Variants in NTAN1 observed in about 807,000 individuals in gnomAD.
NTAN1 encodes protein N-terminal asparagine amidohydrolase.
In NTAN1, 32 loss-of-function variants were observed where a neutral mutation model predicts 41.9. That is an observed-to-expected ratio of 0.76 (90% CI 0.58 to 1.03). The LOEUF is 1.03. Ranked by LOEUF, NTAN1 falls within the 50% of genes least tolerant of loss-of-function variation. NTAN1 has a pLI of 0.00. For synonymous variants in NTAN1, 140 were observed against 139.5 expected (o/e 1.00, Z -0.03); for missense variants, 377 against 377.5 (o/e 1.00, Z 0.01).
intron 1 of NTAN1, among the ~76,000 whole-genome samples, chr16:15,055,398 G>A (rs990032802): frequency 1.3e-5 from 2 of 152,204 alleles, no homozygotes; most frequent in African/African-American, 4.8e-5. Flanking sequence ...GGAGAGAGAG[G>A]AGGAAGGACT....
At chr16:15,044,523 A>C (rs979987409) in intron 4 of NTAN1, 116 bp from the exon 5 acceptor site, 14 of 736,158 alleles carry the variant, frequency 1.9e-5, no homozygotes, top group Middle Eastern at 3.3e-4. Flanking sequence ...GCAGAGCTGC[A>C]GGTCATCTTC....
chr16:15,038,242 G>C (rs932275008), intron 9 of NTAN1, 32 bp from the exon 10 acceptor site: 9 of 1,558,054 alleles, frequency 5.8e-6, no homozygotes, highest in Admixed American at 1.7e-5. Context: ...CATTAGAGAA[G>C]CCAACCTTAC....
chr16:15,044,588 TCTGGGGAC>T lies in NTAN1; in HGVS notation c.360-189_360-182del. On this transcript the variant is annotated intron_variant, in intron 4 of 9. Transcript: ENST00000287706. ...ACACTGCCAAGGCCAGTGGCGAGCTTCTGGGGACCCTGCCCAGGGGCCCTGATGACTGA... is the reference window on the plus strand; with the variant it reads ...ACACTGCCAAGGCCAGTGGCGAGCTTCCTGCCCAGGGGCCCTGATGACTGA... The T allele has an allele frequency of 6.6e-6, 4 of 602,780 alleles. No homozygotes were observed. In the East Asian group the frequency reaches 1.1e-4, roughly 17 times the overall value. 37.3% of individuals were successfully genotyped at this position (602,780 alleles called of 1,614,324 possible). A position where few individuals can be genotyped will look rare whatever the true frequency, so the allele number is the denominator to read the frequency against.
At position 15,037,860 on chromosome 16, in the gene NTAN1, G is replaced by A; in HGVS notation, c.*171C>T. On this transcript the variant is annotated 3_prime_UTR_variant, in exon 10 of 10. Transcript: ENST00000287706. ...AAAATAAGTCTCAACAAATGCCTTT[G>A]CCAAAATAAGGTTTTATTTTGAAAG... 1.9e-6 allele frequency: 1 copy of A among 523,536 alleles called. No individual in the cohort carries two copies. Among genetic ancestry groups the A allele is most frequent in the East Asian group, 3.0e-5 (1 of 32,872 alleles). 32.4% of individuals were successfully genotyped at this position (523,536 alleles called of 1,614,324 possible). A position where few individuals can be genotyped will look rare whatever the true frequency, so the allele number is the denominator to read the frequency against.
chr16:15,045,968 T>TTTGC (rs139925422), intron 4 of NTAN1: 15,773 of 152,296 alleles, frequency 0.1, 935 homozygotes, highest in East Asian at 0.25. Context: ...CCACCATGGC[T>TTTGC]TTGCCACTGG....
At chr16:15,054,324 ACCTTC>A (rs2044414190) in intron 1 of NTAN1, among the ~76,000 whole-genome samples, 1 of 152,028 alleles carries the variant, frequency 6.6e-6, no homozygotes, top group African/African-American at 2.4e-5. Context: ...ATAGGCCAAA[ACCTTC>A]CTTCGAGAGA....
At chr16:15,051,012 C>T (rs2044271419) in intron 1 of NTAN1, among the ~76,000 whole-genome samples, 2 of 152,228 alleles carry the variant, frequency 1.3e-5, no homozygotes, top group Admixed American at 6.5e-5. Context: ...AGGTGACAGC[C>T]TCTCATTTTC....
chr16:15,054,361 A>G (rs184416222), intron 1 of NTAN1, among the ~76,000 whole-genome samples: 23 of 152,314 alleles, frequency 1.5e-4, no homozygotes, highest in Non-Finnish European at 2.8e-4. Flanking sequence ...TATGTCACCA[A>G]ATCTCCCTCC....
At chr16:15,044,174 GTCTT>G (rs1220466664) in intron 5 of NTAN1, among the ~76,000 whole-genome samples, 156 bp downstream of exon 5, 1 of 152,172 alleles carries the variant, frequency 6.6e-6, no homozygotes, top group Non-Finnish European at 1.5e-5. Flanking sequence ...CACGCATTCA[GTCTT>G]TCTGTGAAAT....
chr16:15,041,764 C>T lies in NTAN1; in HGVS notation c.434-88G>A, dbSNP rs770958426. On this transcript the variant is annotated intron_variant, in intron 5 of 9. Transcript: ENST00000287706. ...TGAGCAAGCCAACGACAGGGAGGGA[C>T]GGCAGCCAACTGAGTGTGCTCCGCC... 2.3e-5 allele frequency: 21 copies of T among 928,986 alleles called. 1 individual carries two copies. Among genetic ancestry groups the T allele is most frequent in the South Asian group, 1.2e-4 (9 of 76,822 alleles). The allele number at this position is 928,986 out of a possible 1,614,324, so 57.5% of individuals were successfully genotyped here.
intron 1 of NTAN1, among the ~76,000 whole-genome samples, chr16:15,049,122 G>C (rs1006717147): frequency 6.0e-5 from 9 of 149,908 alleles, no homozygotes; most frequent in African/African-American, 2.2e-4. Flanking sequence ...TCAAACTCCT[G>C]GGCTCAAGCA....
intron 1 of NTAN1, among the ~76,000 whole-genome samples, chr16:15,053,616 T>C (rs1478546129): frequency 2.0e-5 from 3 of 152,118 alleles, no homozygotes; most frequent in Admixed American, 6.6e-5. Flanking sequence ...TTTTATTATA[T>C]AAAAATAATC....
At chr16:15,044,482 A>G (rs1341551779) in intron 4 of NTAN1, 75 bp from the exon 5 acceptor site, 4 of 964,488 alleles carry the variant, frequency 4.1e-6, no homozygotes, top group African/African-American at 1.6e-5. Flanking sequence ...TTGAACTTTC[A>G]TTCTCAGTTT....
At chr16:15,041,420 G>A (rs946027855) in intron 6 of NTAN1, among the ~76,000 whole-genome samples, 12 of 152,104 alleles carry the variant, frequency 7.9e-5, no homozygotes, top group African/African-American at 2.9e-4. Flanking sequence ...GGTAGACGAG[G>A]GGGCTGCACT....
chr16:15,054,327 T>C (rs930485899), intron 1 of NTAN1, among the ~76,000 whole-genome samples: 3 of 152,170 alleles, frequency 2.0e-5, no homozygotes, highest in Non-Finnish European at 2.9e-5. Flanking sequence ...GGCCAAAACC[T>C]TCCTTCGAGA....
chr16:15,040,339 C>A, intron 7 of NTAN1: 2 of 381,984 alleles, frequency 5.2e-6, no homozygotes, highest in Admixed American at 4.4e-5. Context: ...TTCCTTCAGT[C>A]GGACATGTAG....
Position 15,048,099 on chromosome 16 carries a change from C to T in NTAN1, c.82G>A (p.Glu28Lys). 1 of 1,574,774 alleles carries T rather than the reference C, an allele frequency of 6.4e-7. No individual in the cohort carries two copies. Among genetic ancestry groups the T allele is most frequent in the Non-Finnish European group, 8.6e-7 (1 of 1,156,082 alleles). The change falls in exon 2 of 10, where the codon GAA becomes AAA. Residue 28 changes from glutamate (E) to lysine (K), a missense_variant and splice_region_variant. Glu to Lys is a moderately conservative substitution (Grantham distance 56, BLOSUM62 1). Transcript: ENST00000287706. ...TGACCTCTGAGAAGTCTGGCTCTTT[C>T]CTGTTTAATTAAAAAAAAAATAAAA... ...DLVRAHPPLE[E>K]RARLLRGQSV...
chr16:15,048,453 C>T (rs969309432), intron 1 of NTAN1, among the ~76,000 whole-genome samples: 2 of 152,096 alleles, frequency 1.3e-5, no homozygotes, highest in Admixed American at 1.3e-4. Flanking sequence ...CTCCTGGGCT[C>T]AAGCAATCTT....
chr16:15,046,293 C>T (rs1320394033), intron 4 of NTAN1, among the ~76,000 whole-genome samples: 2 of 152,140 alleles, frequency 1.3e-5, no homozygotes, highest in Non-Finnish European at 2.9e-5. Context: ...ATTAAGCCTT[C>T]GTATATGATG....
Sources: allele counts gnomAD v4.1 joint callset (sites outside exome capture counted in the v4.1 genomes callset), GRCh38; gene constraint gnomAD v4.1.1; transcripts MANE v1.5; gene names NCBI Gene and HGNC (gene_info 2026-07-23, HGNC 2026-07-21).